The following SLC26A7 variants were observed in gnomAD, a reference collection of about 807,000 sequenced individuals.
SLC26A7 encodes anion exchange transporter.
SLC26A7 carries 59 observed loss-of-function variants against 82.5 expected under a neutral mutation model. The observed-to-expected ratio is 0.72, with a 90% CI of 0.58 to 0.89. SLC26A7 has a LOEUF of 0.89. Among genes scored for constraint, SLC26A7 ranks in the 40% least tolerant of loss-of-function variants. The pLI, the probability that SLC26A7 is intolerant of heterozygous loss-of-function variation, is 0.00. For synonymous variants in SLC26A7, 271 were observed against 274.3 expected (o/e 0.99, Z 0.12); for missense variants, 820 against 793.0 (o/e 1.03, Z -0.41).
intron 15 of SLC26A7, among the ~76,000 whole-genome samples, chr8:91,373,301 C>T (rs929301568): frequency 1.3e-5 from 2 of 151,866 alleles, no homozygotes; most frequent in Non-Finnish European, 2.9e-5. Flanking sequence ...TGTGTTGTTC[C>T]AGTTCTTAAG....
chr8:91,285,676 CTA>C (rs1811692211), intron 2 of SLC26A7, among the ~76,000 whole-genome samples: 1 of 152,168 alleles, frequency 6.6e-6, no homozygotes, highest in South Asian at 2.1e-4. Flanking sequence ...TGTGTTAGCT[CTA>C]GTTTTCTGGG....
intron 2 of SLC26A7, among the ~76,000 whole-genome samples, chr8:91,283,708 A>G (rs1414436756): frequency 6.6e-6 from 1 of 152,172 alleles, no homozygotes; most frequent in Non-Finnish European, 1.5e-5. Flanking sequence ...CTGAAGCTCA[A>G]TATTCACGAC....
intron 1 of SLC26A7, among the ~76,000 whole-genome samples, chr8:91,217,357 C>T (rs1021232495): frequency 7.2e-5 from 11 of 152,256 alleles, no homozygotes; most frequent in African/African-American, 2.6e-4. Context: ...CCAAATTTAT[C>T]ATTAGGAATC....
chr8:91,249,489 C>A, intron 1 of SLC26A7, 50 bp from the exon 2 acceptor site: 1 of 449,124 alleles, frequency 2.2e-6, no homozygotes. Flanking sequence ...TGAAGTGCTT[C>A]TGTTAATCTC....
In SLC26A7 at chr8:91,286,331, G is replaced by A. The variant is rs115994433; in HGVS notation, c.194-2805G>A. ...ATGGGAATCTAGAATTTCTTCTCCT[G>A]TAACCATTATCATACCTACAAAGCA... On this transcript the variant is annotated intron_variant, in intron 2 of 18. Coordinates refer to ENST00000276609, the MANE Select transcript of SLC26A7 (RefSeq NM_052832.4). 3.6e-3 allele frequency among the ~76,000 whole-genome samples: 553 copies of A among 152,262 alleles called. 7 individuals are homozygous for A. Among genetic ancestry groups the A allele is most frequent in the African/African-American group, 0.013 (529 of 41,550 alleles).
intron 9 of SLC26A7, among the ~76,000 whole-genome samples, chr8:91,346,406 T>G (rs1461674336): frequency 6.6e-6 from 1 of 152,132 alleles, no homozygotes; most frequent in Non-Finnish European, 1.5e-5. Flanking sequence ...ATAGGCTATT[T>G]GTGAAAGCAA....
At chr8:91,362,563 T>A in intron 12 of SLC26A7, 104 bp downstream of exon 12, 1 of 768,812 alleles carries the variant, frequency 1.3e-6, no homozygotes, top group Non-Finnish European at 2.1e-6. Flanking sequence ...CTGTAACATA[T>A]AGTACTACAA....
intron 11 of SLC26A7, among the ~76,000 whole-genome samples, chr8:91,358,315 G>GT (rs1813934712): frequency 6.7e-6 from 1 of 148,910 alleles, no homozygotes. Context: ...GCACACATAT[G>GT]TTTTTTTCTT....
chr8:91,256,634 C>G (rs917278833), intron 2 of SLC26A7, among the ~76,000 whole-genome samples: 4 of 152,098 alleles, frequency 2.6e-5, no homozygotes, highest in African/African-American at 9.7e-5. Context: ...CAGAGAGAAA[C>G]CGAGTCCTGA....
At position 91,395,179 on chromosome 8, in the gene SLC26A7, T is replaced by C. The variant is rs1808534914; in HGVS notation, c.*82T>C. 1 of 1,602,598 alleles carries C rather than the reference T, an allele frequency of 6.2e-7. No individual in the cohort carries two copies. On this transcript the variant is annotated 3_prime_UTR_variant, in exon 19 of 19. Transcript: ENST00000276609. ...GCTGGCATTTTGCACAACTTTTTGG[T>C]TGTTTAGATCCTACAGATGACCTCT... is the stretch of plus-strand genomic sequence containing the variant.
chr8:91,352,615 T>A (rs1182428811), intron 10 of SLC26A7, among the ~76,000 whole-genome samples: 1 of 152,168 alleles, frequency 6.6e-6, no homozygotes. Context: ...TAAGAGGGCA[T>A]TTAGCTTCAT....
chr8:91,224,743 A>T (rs1012026870), intron 2 of SLC26A7, among the ~76,000 whole-genome samples: 4 of 152,022 alleles, frequency 2.6e-5, no homozygotes, highest in Non-Finnish European at 5.9e-5. Flanking sequence ...CTGGGGGGAA[A>T]CCCACTTCTC....
chr8:91,361,367 AT>A (rs755626727), intron 11 of SLC26A7, among the ~76,000 whole-genome samples: 2 of 152,130 alleles, frequency 1.3e-5, no homozygotes, highest in Non-Finnish European at 2.9e-5. Context: ...ATACACAAAC[AT>A]TTCTAACTTT....
intron 1 of SLC26A7, among the ~76,000 whole-genome samples, chr8:91,214,244 A>G (rs1809995470): frequency 6.6e-6 from 1 of 152,098 alleles, no homozygotes; most frequent in Non-Finnish European, 1.5e-5. Context: ...TGTGAAGGAG[A>G]AAGAGTCCAG....
rs146007261 is a variant in SLC26A7, at chr8:91,232,238, T to A, written c.-34+13233T>A. The stretch of plus-strand genomic sequence containing the variant: ...TCAGATTTATTTCTAATCAAATACA[T>A]TTATTTCTAACCAAAATATGCTATT... On this transcript the variant is annotated intron_variant, in intron 2 of 5. Transcript: ENST00000522862. Among the ~76,000 whole-genome samples the A allele has an allele frequency of 3.5e-3, 529 of 152,312 alleles. 1 individual carries two copies. Among genetic ancestry groups the A allele is most frequent in the African/African-American group, 0.012 (502 of 41,570 alleles).
rs1001446632 is a variant in SLC26A7 at position 91,397,530 on chromosome 8, C to G, written c.*2433C>G. The G allele has an allele frequency of 6.6e-6, 1 of 152,242 alleles. No homozygotes were observed. Among genetic ancestry groups the G allele is most frequent in the African/African-American group, 2.4e-5 (1 of 41,352 alleles). The allele number at this position is 152,242 out of a possible 1,614,324, so 9.4% of individuals were successfully genotyped here. A position where few individuals can be genotyped will look rare whatever the true frequency, so the allele number is the denominator to read the frequency against. ...ACTGACCTATAAGAGTGTTAAGGAC[C>G]TAATAGAGTGACATATATAAATTAA... is the stretch of plus-strand genomic sequence containing the variant. On this transcript the variant is annotated 3_prime_UTR_variant, in exon 19 of 19. Coordinates refer to ENST00000276609, the MANE Select transcript of SLC26A7 (RefSeq NM_052832.4).
intron 8 of SLC26A7, among the ~76,000 whole-genome samples, chr8:91,342,412 C>G (rs1042866333): frequency 3.9e-5 from 6 of 152,200 alleles, no homozygotes; most frequent in Admixed American, 1.3e-4. Flanking sequence ...TTACTAGAAA[C>G]AGCAGATGCA....
chr8:91,377,944 G>A (rs1814563259), intron 15 of SLC26A7, among the ~76,000 whole-genome samples: 1 of 151,830 alleles, frequency 6.6e-6, no homozygotes, highest in South Asian at 2.1e-4. Context: ...GAAGAGAACT[G>A]GTATCTGATG....
intron 2 of SLC26A7, among the ~76,000 whole-genome samples, chr8:91,283,870 G>A (rs1172988069): frequency 6.6e-6 from 1 of 152,120 alleles, no homozygotes; most frequent in Non-Finnish European, 1.5e-5. Context: ...AGACTTATTA[G>A]GACAAGAATT....
Sources: gnomAD v4.1 joint callset for allele counts (sites outside exome capture counted in the v4.1 genomes callset) on GRCh38, gnomAD v4.1.1 for gene constraint, MANE v1.5 for transcripts, NCBI Gene and HGNC (gene_info 2026-07-23, HGNC 2026-07-21) for gene names.